RHOBTB3: variants seen among roughly 807,000 people sequenced by gnomAD.
RHOBTB3 encodes the protein rho-related BTB domain-containing protein 3.
A neutral mutation model predicts 67.2 loss-of-function variants in RHOBTB3; 47 were observed. That is an observed-to-expected ratio of 0.70 (90% CI 0.55 to 0.89). The LOEUF is 0.89. Ranked by LOEUF, RHOBTB3 falls within the 40% of genes least tolerant of loss-of-function variation. The pLI is 0.00. For missense variants in RHOBTB3, 631 were observed against 750.0 expected, an observed-to-expected ratio of 0.84 and a Z score of 1.85; for synonymous variants, 273 against 274.2, an observed-to-expected ratio of 1.00 and a Z score of 0.04.
rs149956516 is a variant in RHOBTB3, at chr5:95,731,866, C to T, written c.10C>T (p.His4Tyr). The part of the protein sequence containing the change: MSI[H>Y]IVALGNEGDT... The stretch of plus-strand genomic sequence containing the variant: ...CCCCCTCTGTCCGTGCAGGTCCATC[C>T]ACATCGTGGCGCTGGGGAACGAGGG... Residue 4 changes from histidine (H) to tyrosine (Y), a missense_variant, in exon 2 of 12, where the codon CAC becomes TAC. Coordinates refer to ENST00000379982, the MANE Select transcript of RHOBTB3 (RefSeq NM_014899.4). The T allele has an allele frequency of 6.2e-6, 10 of 1,612,666 alleles. No homozygotes were observed. Among genetic ancestry groups the T allele is most frequent in the African/African-American group, 1.3e-5 (1 of 74,934 alleles).
intron 8 of RHOBTB3, among the ~76,000 whole-genome samples, chr5:95,771,526 G>T (rs1317986882): frequency 6.6e-6 from 1 of 152,084 alleles, no homozygotes; most frequent in Non-Finnish European, 1.5e-5. Context: ...AAAAACAACT[G>T]GGAAAAAAGC....
chr5:95,760,724 A>G (rs1745371685), intron 6 of RHOBTB3, among the ~76,000 whole-genome samples: 1 of 152,226 alleles, frequency 6.6e-6, no homozygotes, highest in South Asian at 2.1e-4. Context: ...CAGTTGATCA[A>G]TCAGTAAAGT....
intron 4 of RHOBTB3, among the ~76,000 whole-genome samples, chr5:95,749,097 C>T (rs1031942360): frequency 2.9e-4 from 44 of 152,304 alleles, no homozygotes; most frequent in African/African-American, 1.0e-3. Flanking sequence ...AGTATTAGGA[C>T]TGTAATGTCC....
At chr5:95,762,420 A>G (rs888851674) in intron 6 of RHOBTB3, among the ~76,000 whole-genome samples, 6 of 152,162 alleles carry the variant, frequency 3.9e-5, no homozygotes, top group Non-Finnish European at 8.8e-5. Context: ...TCATTCCCCA[A>G]TATCCATGAA....
intron 6 of RHOBTB3, among the ~76,000 whole-genome samples, chr5:95,763,125 C>G (rs1745439606): frequency 6.6e-6 from 1 of 152,168 alleles, no homozygotes; most frequent in Non-Finnish European, 1.5e-5. Context: ...CTGCCCATAA[C>G]TGGTAAGATT....
intron 1 of RHOBTB3, among the ~76,000 whole-genome samples, chr5:95,718,472 C>T (rs1431956398): frequency 6.6e-6 from 1 of 152,106 alleles, no homozygotes; most frequent in Non-Finnish European, 1.5e-5. Flanking sequence ...AGGGAAGTTC[C>T]CCAGCTGATG....
At chr5:95,755,835 G>C (rs1336808977) in intron 6 of RHOBTB3, 74 bp downstream of exon 6, 1 of 1,493,500 alleles carries the variant, frequency 6.7e-7, no homozygotes, top group Admixed American at 1.8e-5. Context: ...TGACACTCAA[G>C]GGTACTGGTT....
intron 8 of RHOBTB3, among the ~76,000 whole-genome samples, chr5:95,776,502 T>C (rs1315837047): frequency 5.9e-5 from 9 of 152,190 alleles, no homozygotes. Context: ...TAATAATAAA[T>C]TTGAAGTGAC....
intron 8 of RHOBTB3, chr5:95,769,355 A>G (rs555126736): frequency 1.1e-5 from 5 of 463,352 alleles, no homozygotes; most frequent in African/African-American, 2.0e-5. Context: ...CTGCTACTGT[A>G]CTTGCACTCC....
intron 2 of RHOBTB3, 133 bp downstream of exon 2, chr5:95,732,217 G>T: frequency 1.2e-6 from 1 of 809,958 alleles, no homozygotes; most frequent in South Asian, 1.6e-5. Context: ...AAACATTTTT[G>T]AGAAAATCTT....
chr5:95,735,113 G>A (rs1755421522), intron 2 of RHOBTB3, among the ~76,000 whole-genome samples: 1 of 152,162 alleles, frequency 6.6e-6, no homozygotes, highest in Non-Finnish European at 1.5e-5. Context: ...AACTGAATGA[G>A]CTGTGTGGTT....
At chr5:95,779,970 A>G (rs1287706594) in intron 8 of RHOBTB3, 1 of 399,432 alleles carries the variant, frequency 2.5e-6, no homozygotes, top group African/African-American at 2.0e-5. Context: ...ATGAAGCAAA[A>G]TACTTCATTT....
chr5:95,756,407 T>C (rs1229639909), intron 6 of RHOBTB3, among the ~76,000 whole-genome samples: 1 of 152,240 alleles, frequency 6.6e-6, no homozygotes, highest in Non-Finnish European at 1.5e-5. Context: ...CATTCATTCA[T>C]CCATGGACGC....
Position 95,769,077 on chromosome 5 carries a change from T to G in RHOBTB3, c.1282+911T>G, listed in dbSNP as rs1217550622. ...ATCTCACTTGGGCTTATGCCAAACA[T>G]GTAAAATTTGGTGCAGGTGCCTGAG... On this transcript the variant is annotated intron_variant, in intron 8 of 11. Coordinates refer to ENST00000379982, the MANE Select transcript of RHOBTB3 (RefSeq NM_014899.4). 1.4e-5 allele frequency: 5 copies of G among 361,438 alleles called. No homozygotes were observed. In the Admixed American group the frequency reaches 1.5e-4, roughly 11 times the overall value. 22.4% of individuals were successfully genotyped at this position (361,438 alleles called of 1,614,324 possible).
chr5:95,769,296 T>A, intron 8 of RHOBTB3: 1 of 463,710 alleles, frequency 2.2e-6, no homozygotes, highest in Non-Finnish European at 4.3e-6. Context: ...CCAGTAACAC[T>A]AAGATGTTGC....
intron 1 of RHOBTB3, among the ~76,000 whole-genome samples, chr5:95,723,670 C>T (rs960258354): frequency 1.3e-5 from 2 of 152,170 alleles, no homozygotes; most frequent in African/African-American, 4.8e-5. Context: ...GAGCTGATTT[C>T]TAGGCAAGTG....
At chr5:95,770,612 C>T (rs1745680350) in intron 8 of RHOBTB3, 4 of 471,250 alleles carry the variant, frequency 8.5e-6, no homozygotes, top group East Asian at 5.8e-5. Context: ...TGGGTGGCTT[C>T]TCCATTAATT....
chr5:95,745,314 G>A (rs1402598492), intron 3 of RHOBTB3, among the ~76,000 whole-genome samples: 3 of 151,972 alleles, frequency 2.0e-5, no homozygotes, highest in Admixed American at 2.0e-4. Flanking sequence ...ACACATTTTT[G>A]ACAACTTTGA....
intron 3 of RHOBTB3, among the ~76,000 whole-genome samples, chr5:95,747,872 T>C (rs1224305356): frequency 6.6e-6 from 1 of 152,214 alleles, no homozygotes; most frequent in African/African-American, 2.4e-5. Context: ...AATTGAAGGT[T>C]CTGTTACAAT....
Sources: allele counts gnomAD v4.1 joint callset (sites outside exome capture counted in the v4.1 genomes callset), GRCh38; gene constraint gnomAD v4.1.1; transcripts MANE v1.5; gene names NCBI Gene and HGNC (gene_info 2026-07-23, HGNC 2026-07-21).